The following AUTS2 variants were observed in gnomAD, a reference collection of about 807,000 sequenced individuals.
AUTS2 encodes the protein activator of transcription and developmental regulator AUTS2.
In AUTS2, 17 loss-of-function variants were observed where a neutral mutation model predicts 112.4. That is an observed-to-expected ratio of 0.15 (90% CI 0.10 to 0.23). The LOEUF (loss-of-function observed/expected upper bound fraction) is 0.23. AUTS2 is among the 10% of genes least tolerant of loss of function. AUTS2 has a pLI of 1.00. For missense variants in AUTS2, 1,510 were observed against 1,701.6 expected (o/e 0.89, Z 1.98); for synonymous variants, 751 against 702.7 (o/e 1.07, Z -1.09).
chr7:69,760,365 A>G (rs1187787699), intron 1 of AUTS2, among the ~76,000 whole-genome samples: 1 of 151,686 alleles, frequency 6.6e-6, no homozygotes, highest in Non-Finnish European at 1.5e-5. Context: ...TAAAATGAAG[A>G]TTTTTTTCAT....
chr7:70,317,755 A>G (rs1368505702), intron 4 of AUTS2, among the ~76,000 whole-genome samples: 4 of 152,336 alleles, frequency 2.6e-5, no homozygotes, highest in Non-Finnish European at 1.5e-5. Flanking sequence ...CCTGCCTTCA[A>G]GGTCATTATT....
intron 4 of AUTS2, among the ~76,000 whole-genome samples, chr7:70,340,252 A>G (rs1791202544): frequency 6.6e-6 from 1 of 152,064 alleles, no homozygotes; most frequent in African/African-American, 2.4e-5. Flanking sequence ...AAATACCAGT[A>G]CACATTTTTT....
At chr7:70,533,040 T>C (rs1490737827) in intron 5 of AUTS2, among the ~76,000 whole-genome samples, 1 of 152,172 alleles carries the variant, frequency 6.6e-6, no homozygotes, top group African/African-American at 2.4e-5. Flanking sequence ...AGCAGAGGCC[T>C]CTCACTCAGG....
At chr7:70,572,456 TG>T (rs200646043) in intron 5 of AUTS2, among the ~76,000 whole-genome samples, 1 of 3,398 alleles carries the variant, frequency 2.9e-4, no homozygotes, top group East Asian at 6.6e-3. Flanking sequence ...AAGGCAGGGA[TG>T]GGGGGTGGGG....
intron 1 of AUTS2, among the ~76,000 whole-genome samples, chr7:69,767,416 A>G (rs1016642540): frequency 6.6e-6 from 1 of 152,142 alleles, no homozygotes; most frequent in Non-Finnish European, 1.5e-5. Context: ...AGCTCAAGTG[A>G]TCCACCTGCC....
intron 1 of AUTS2, among the ~76,000 whole-genome samples, chr7:69,604,223 T>C (rs1237950787): frequency 1.3e-5 from 2 of 152,230 alleles, no homozygotes; most frequent in African/African-American, 2.4e-5. Context: ...AAGTGGGCTA[T>C]ACAGAATTTG....
At chr7:69,997,342 T>G (rs1798992657) in intron 2 of AUTS2, among the ~76,000 whole-genome samples, 1 of 152,204 alleles carries the variant, frequency 6.6e-6, no homozygotes, top group Non-Finnish European at 1.5e-5. Flanking sequence ...CACGTGATGG[T>G]CACAATCTAT....
intron 1 of AUTS2, among the ~76,000 whole-genome samples, chr7:69,745,615 A>G (rs1787456681): frequency 1.3e-5 from 2 of 152,216 alleles, no homozygotes; most frequent in Non-Finnish European, 2.9e-5. Flanking sequence ...ATGCAAATTT[A>G]AAATTTAATA....
At chr7:70,141,579 A>T (rs1043958283) in intron 4 of AUTS2, among the ~76,000 whole-genome samples, 4 of 152,226 alleles carry the variant, frequency 2.6e-5, no homozygotes, top group Non-Finnish European at 5.9e-5. Flanking sequence ...TTTTAAATGT[A>T]ACCTTCAAAA....
chr7:70,024,353 T>G (rs182878804), intron 2 of AUTS2, among the ~76,000 whole-genome samples: 1 of 152,236 alleles, frequency 6.6e-6, no homozygotes, highest in South Asian at 2.1e-4. Context: ...TACATGAAAT[T>G]ATAATCAAAT....
At chr7:70,583,564 C>T (rs896844936) in intron 5 of AUTS2, among the ~76,000 whole-genome samples, 11 of 152,220 alleles carry the variant, frequency 7.2e-5, no homozygotes, top group African/African-American at 1.9e-4. Flanking sequence ...TAGTAATCTA[C>T]ACCTTCACAG....
Position 69,806,453 on chromosome 7 carries a change from CTGTT to C in AUTS2, c.310-92829_310-92826del, listed in dbSNP as rs1471135381. 3.3e-4 allele frequency among the ~76,000 whole-genome samples: 50 copies of C among 151,914 alleles called. 1 individual carries two copies. The highest frequency in any genetic ancestry group is 1.1e-3 in the African/African-American group (46 of 41,436). ...CTTACAGAGTCTGATGAGCTACACT[CTGTT>C]TGTGTATTTGTTTTTGGTGGCTTTT... On this transcript the variant is annotated intron_variant, in intron 1 of 18. Coordinates refer to ENST00000342771, the MANE Select transcript of AUTS2 (RefSeq NM_015570.4).
chr7:70,086,886 G>A (rs1246685644), intron 2 of AUTS2, among the ~76,000 whole-genome samples: 1 of 148,792 alleles, frequency 6.7e-6, no homozygotes, highest in South Asian at 2.1e-4. Context: ...TATTTGTATT[G>A]TATATATAGT....
At chr7:70,525,504 G>A (rs11976080) in intron 5 of AUTS2, among the ~76,000 whole-genome samples, 12,179 of 152,224 alleles carry the variant, frequency 0.08, 584 homozygotes, top group African/African-American at 0.12. Context: ...AATGGAAATA[G>A]AGTATTTTTT....
intron 1 of AUTS2, among the ~76,000 whole-genome samples, chr7:69,665,869 G>A (rs1055694669): frequency 6.6e-6 from 1 of 151,980 alleles, no homozygotes. Flanking sequence ...ATTTCTTCAG[G>A]CTCTCTTGAT....
chr7:69,850,171 C>T (rs531326036), intron 1 of AUTS2, among the ~76,000 whole-genome samples: 5 of 151,418 alleles, frequency 3.3e-5, no homozygotes, highest in South Asian at 4.2e-4. Context: ...TAGTGGCATG[C>T]GCCTGTAGTC....
intron 2 of AUTS2, among the ~76,000 whole-genome samples, chr7:69,979,062 A>G (rs1386476952): frequency 6.6e-6 from 1 of 152,196 alleles, no homozygotes; most frequent in Non-Finnish European, 1.5e-5. Context: ...AATTTACATA[A>G]TCATGATGAC....
chr7:70,732,318 T>C (rs775619367), intron 6 of AUTS2, among the ~76,000 whole-genome samples: 1 of 152,210 alleles, frequency 6.6e-6, no homozygotes, highest in Non-Finnish European at 1.5e-5. Flanking sequence ...ATCTGCCCTT[T>C]AGGATTCCTC....
rs747579459 is a variant in AUTS2 at position 70,118,177 on chromosome 7, G to A, written c.568G>A (p.Ala190Thr). Residue 190 changes from alanine to threonine, a missense_variant, in exon 3 of 19, where the codon GCC becomes ACC. Transcript: ENST00000342771. ...NSCRDSDSES[A>T]SGESKGFHRS... is the part of the protein sequence containing the mutation. The stretch of plus-strand genomic sequence containing the variant: ...CTGCAGGGACAGTGACAGTGAAAGT[G>A]CCAGTGGAGAATCCAAGGGCTTCCA... 1.9e-6 allele frequency: 3 copies of A among 1,611,106 alleles called. No homozygotes were observed. In the African/African-American group the frequency reaches 4.0e-5, roughly 22 times the overall value.
Sources: gnomAD v4.1 joint callset for allele counts (sites outside exome capture counted in the v4.1 genomes callset) on GRCh38, gnomAD v4.1.1 for gene constraint, MANE v1.5 for transcripts, NCBI Gene and HGNC (gene_info 2026-07-23, HGNC 2026-07-21) for gene names.